Variants in NT5DC3 observed in about 807,000 individuals in gnomAD.
NT5DC3 encodes the protein 5'-nucleotidase domain containing 3.
NT5DC3 carries 42 observed loss-of-function variants against 67.8 expected under a neutral mutation model. That is an observed-to-expected ratio of 0.62 (90% CI 0.48 to 0.80). The LOEUF (loss-of-function observed/expected upper bound fraction) is 0.80. Among genes scored for constraint, NT5DC3 ranks in the 30% least tolerant of loss-of-function variants. NT5DC3 has a pLI of 0.00. For synonymous variants in NT5DC3, 237 were observed against 255.6 expected (o/e 0.93, Z 0.69); for missense variants, 570 against 696.4 (o/e 0.82, Z 2.04).
intron 1 of NT5DC3, among the ~76,000 whole-genome samples, chr12:103,824,820 G>T (rs144702770): frequency 1.7e-3 from 241 of 144,444 alleles, no homozygotes; most frequent in African/African-American, 6.0e-3. Context: ...CTTTTGGTAA[G>T]ATTCCTTTGC....
chr12:103,794,172 CAG>C (rs1334565571), intron 6 of NT5DC3, among the ~76,000 whole-genome samples, 175 bp from the exon 7 acceptor site: 4 of 69,678 alleles, frequency 5.7e-5, no homozygotes, highest in East Asian at 2.4e-3. Flanking sequence ...TTTTTTGAGA[CAG>C]AGTCTTGTTA....
At chr12:103,818,928 C>A (rs1227395537) in intron 1 of NT5DC3, among the ~76,000 whole-genome samples, 1 of 152,204 alleles carries the variant, frequency 6.6e-6, no homozygotes, top group Non-Finnish European at 1.5e-5. Context: ...GAATCGCTTA[C>A]AGAATGAGCA....
At chr12:103,818,171 C>T (rs1348400907) in intron 1 of NT5DC3, among the ~76,000 whole-genome samples, 1 of 152,196 alleles carries the variant, frequency 6.6e-6, no homozygotes, top group Non-Finnish European at 1.5e-5. Context: ...CCACATTGCA[C>T]CTAGTTTATT....
the NT5DC3 span, among the ~76,000 whole-genome samples, chr12:103,746,857 T>C: frequency 1.3e-5 from 2 of 152,130 alleles, no homozygotes; most frequent in Admixed American, 6.5e-5. Flanking sequence ...CTTTAATGGG[T>C]GTGCTCATGC....
At position 103,785,488 on chromosome 12, in the gene NT5DC3, A is replaced by T; in HGVS notation, c.1189-13T>A. 6.2e-7 allele frequency: 1 copy of T among 1,613,826 alleles called. No homozygotes were observed. On this transcript the variant is annotated splice_polypyrimidine_tract_variant and intron_variant, in intron 11 of 13. Coordinates refer to ENST00000392876, the MANE Select transcript of NT5DC3 (RefSeq NM_001031701.3). Reference sequence around the variant, plus strand: ...TTAGGGTCAAATCCTGATCACAAAGATCACGAAAAGTCAACGTCAGTCTCA... The same window carrying T: ...TTAGGGTCAAATCCTGATCACAAAGTTCACGAAAAGTCAACGTCAGTCTCA...
chr12:103,761,623 A>G, the NT5DC3 span, among the ~76,000 whole-genome samples: 2 of 151,982 alleles, frequency 1.3e-5, no homozygotes, highest in African/African-American at 4.8e-5. Flanking sequence ...AGCACCAGTC[A>G]CCATTAATAT....
intron 1 of NT5DC3, among the ~76,000 whole-genome samples, chr12:103,826,663 T>C (rs1486052581): frequency 6.6e-6 from 1 of 152,242 alleles, no homozygotes; most frequent in Non-Finnish European, 1.5e-5. Flanking sequence ...AGACAATATA[T>C]TGTACTGTTG....
chr12:103,756,477 C>T, the NT5DC3 span, among the ~76,000 whole-genome samples: 1 of 152,190 alleles, frequency 6.6e-6, no homozygotes, highest in African/African-American at 2.4e-5. Context: ...ACAGGTGCTC[C>T]ATAAATACTT....
chr12:103,767,345 G>A (rs1885026034), downstream of NT5DC3, among the ~76,000 whole-genome samples: 1 of 152,182 alleles, frequency 6.6e-6, no homozygotes, highest in African/African-American at 2.4e-5. Context: ...CCATTTATAT[G>A]AAATGGCTAA....
chr12:103,747,341 T>C, the NT5DC3 span, among the ~76,000 whole-genome samples: 1 of 152,312 alleles, frequency 6.6e-6, no homozygotes, highest in South Asian at 2.1e-4. Context: ...ATGTTTCCTA[T>C]TGTCTCATAT....
the NT5DC3 span, chr12:103,758,264 A>G: frequency 1.9e-6 from 3 of 1,613,886 alleles, no homozygotes; most frequent in Non-Finnish European, 1.7e-6. Context: ...TTTGTGCCAC[A>G]GAACAGTGGG....
chr12:103,819,639 G>T (rs1887409747), intron 1 of NT5DC3: 1 of 152,234 alleles, frequency 6.6e-6, no homozygotes, highest in East Asian at 1.9e-4. Flanking sequence ...AAAGCCCCTG[G>T]CACTTCCAGT....
the NT5DC3 span, chr12:103,762,342 C>G: frequency 2.5e-6 from 4 of 1,614,216 alleles, no homozygotes; most frequent in Admixed American, 1.7e-5. Context: ...GGGCTGTTGC[C>G]TTGGCTGCTT....
chr12:103,762,789 G>A, the NT5DC3 span, among the ~76,000 whole-genome samples: 1 of 152,202 alleles, frequency 6.6e-6, no homozygotes, highest in African/African-American at 2.4e-5. Flanking sequence ...CTGAGAACTG[G>A]GGGACAGGGC....
At chr12:103,825,528 A>C (rs1186636173) in intron 1 of NT5DC3, among the ~76,000 whole-genome samples, 1 of 152,244 alleles carries the variant, frequency 6.6e-6, no homozygotes, top group Non-Finnish European at 1.5e-5. Flanking sequence ...ACAGTGGCTC[A>C]CACTTGTAAT....
chr12:103,837,310 G>A (rs1329202393), intron 1 of NT5DC3, among the ~76,000 whole-genome samples: 2 of 152,182 alleles, frequency 1.3e-5, no homozygotes, highest in Non-Finnish European at 2.9e-5. Context: ...AGCATGTAAT[G>A]GGAAAGACTG....
chr12:103,750,726 T>C, the NT5DC3 span: 2 of 1,611,600 alleles, frequency 1.2e-6, no homozygotes, highest in Admixed American at 1.7e-5. Flanking sequence ...CCAGGGTTAG[T>C]GTGACCAGGG....
chr12:103,829,860 T>C (rs1187778052), intron 1 of NT5DC3, among the ~76,000 whole-genome samples: 1 of 151,490 alleles, frequency 6.6e-6, no homozygotes, highest in Non-Finnish European at 1.5e-5. Context: ...AGTTCCTTGA[T>C]GGTAAAGCTC....
At position 103,815,084 on chromosome 12, in the gene NT5DC3, T is replaced by A; in HGVS notation, c.246A>T (p.Pro82=). 2 of 1,613,416 alleles carry A rather than the reference T, an allele frequency of 1.2e-6. No individual in the cohort carries two copies. The change falls in exon 2 of 14, where the codon CCA becomes CCT. Residue 82 remains proline (P), a synonymous_variant. Transcript: ENST00000392876. ...TTTCATTGTTTGAGAAAATGGCATC[T>A]GGATTCAACAAGTTGCTCATAATGG... ...VPSIMSNLLN[P]DAIFSNNEMS... is the part of the protein sequence containing the mutation.
Sources: allele counts gnomAD v4.1 joint callset (sites outside exome capture counted in the v4.1 genomes callset), GRCh38; gene constraint gnomAD v4.1.1; transcripts MANE v1.5; gene names NCBI Gene and HGNC (gene_info 2026-07-23, HGNC 2026-07-21).